Variants in ARMC8 observed in about 807,000 individuals in gnomAD.
The protein encoded by ARMC8 is armadillo repeat containing 8.
Under a neutral mutation model 99.3 loss-of-function variants are expected in ARMC8, and 20 were observed. The ratio of observed to expected loss-of-function variants is 0.20; its 90% confidence interval spans 0.14 to 0.29. The LOEUF is 0.29. Among genes scored for constraint, ARMC8 ranks in the 10% least tolerant of loss-of-function variants. The pLI is 1.00. For synonymous variants in ARMC8, 263 were observed against 278.3 expected (o/e 0.95, Z 0.55); for missense variants, 569 against 809.5 (o/e 0.70, Z 3.60).
intron 17 of ARMC8, among the ~76,000 whole-genome samples, chr3:138,273,450 T>G (rs976857884): frequency 6.6e-6 from 1 of 152,212 alleles, no homozygotes; most frequent in African/African-American, 2.4e-5. Flanking sequence ...CTCATCTGCC[T>G]AAATCACTTA....
chr3:138,270,230 C>T (rs1421223916), intron 16 of ARMC8, 98 bp downstream of exon 16: 46 of 1,000,218 alleles, frequency 4.6e-5, no homozygotes, highest in Non-Finnish European at 6.2e-5. Context: ...CTGGAATTTT[C>T]TTTTTCAAAA....
Position 138,290,467 on chromosome 3 carries a change from G to A in ARMC8, c.1895-79G>A, listed in dbSNP as rs1283461655. ...AGTAGGGAGTGAAGGACACTGGTAAGGCTCTAGATTGTTAATTGTACATCA... is the reference window on the plus strand; with the variant it reads ...AGTAGGGAGTGAAGGACACTGGTAAAGCTCTAGATTGTTAATTGTACATCA... On this transcript the variant is annotated intron_variant, in intron 20 of 21. Transcript: ENST00000469044. 8.5e-6 allele frequency: 9 copies of A among 1,052,640 alleles called. No individual in the cohort carries two copies. The East Asian group carries it at 1.0e-4, about 12-fold the overall frequency. 65.2% of individuals were successfully genotyped at this position (1,052,640 alleles called of 1,614,324 possible).
chr3:138,274,388 C>T, intron 17 of ARMC8, 61 bp from the exon 18 acceptor site: 1 of 1,123,162 alleles, frequency 8.9e-7, no homozygotes. Flanking sequence ...TTTTAGAAGC[C>T]TTGTATTCGT....
At chr3:138,263,950 G>A (rs2048002639) in intron 13 of ARMC8, 129 bp downstream of exon 13, 1 of 1,020,704 alleles carries the variant, frequency 9.8e-7, no homozygotes, top group South Asian at 1.3e-5. Flanking sequence ...AATTCATAGA[G>A]TATATAACAT....
chr3:138,218,809 AAGT>A (rs2108064651), intron 2 of ARMC8, among the ~76,000 whole-genome samples: 1 of 152,354 alleles, frequency 6.6e-6, no homozygotes, highest in Non-Finnish European at 1.5e-5. Flanking sequence ...CAGTAAAAGT[AAGT>A]AGAGCATTTT....
In ARMC8 at chr3:138,229,336, CTTTTTTT is replaced by C. The variant is rs71304266; in HGVS notation, c.528+335_528+341del. 5.3e-5 allele frequency among the ~76,000 whole-genome samples: 7 copies of C among 132,624 alleles called. No homozygotes were observed. In the South Asian group the frequency reaches 7.3e-4, roughly 14 times the overall value. The allele number at this position is 132,624 out of a possible 152,430, so 87.0% of individuals were successfully genotyped here. A position where few individuals can be genotyped will look rare whatever the true frequency, so the allele number is the denominator to read the frequency against. ...AGTACATAAGGACCTCTCCCTCATTCTTTTTTTTTTTTTTTAACAGTGCATAGTATTT... is the reference window on the plus strand; with the variant it reads ...AGTACATAAGGACCTCTCCCTCATTCTTTTTTTTAACAGTGCATAGTATTT... On this transcript the variant is annotated intron_variant, in intron 6 of 21. Transcript: ENST00000469044.
chr3:138,224,567 CG>C (rs1559949975), intron 5 of ARMC8, among the ~76,000 whole-genome samples: 1 of 152,108 alleles, frequency 6.6e-6, no homozygotes, highest in African/African-American at 2.4e-5. Flanking sequence ...CTGGCCAACA[CG>C]GTGAAACTCC....
intron 2 of ARMC8, among the ~76,000 whole-genome samples, chr3:138,211,502 G>T (rs533600858): frequency 4.6e-5 from 7 of 152,308 alleles, no homozygotes; most frequent in East Asian, 3.9e-4. Flanking sequence ...AATGATAAAA[G>T]TGGGAAAGAT....
intron 18 of ARMC8, among the ~76,000 whole-genome samples, chr3:138,284,035 C>T (rs536700882): frequency 6.6e-6 from 1 of 152,280 alleles, no homozygotes; most frequent in East Asian, 1.9e-4. Context: ...ACCTACAGAG[C>T]TTCCACCAAA....
intron 18 of ARMC8, among the ~76,000 whole-genome samples, chr3:138,281,744 T>G (rs1327156307): frequency 6.6e-6 from 1 of 152,190 alleles, no homozygotes; most frequent in African/African-American, 2.4e-5. Context: ...GGGGAATTAC[T>G]CACCTGTCTT....
At chr3:138,200,992 A>G (rs1029164406) in intron 1 of ARMC8, among the ~76,000 whole-genome samples, 16 of 123,606 alleles carry the variant, frequency 1.3e-4, no homozygotes, top group Non-Finnish European at 2.5e-4. Flanking sequence ...GGCTCATTGT[A>G]GCCTCTGCTT....
chr3:138,209,668 A>G (rs1180587602), intron 1 of ARMC8, 149 bp from the exon 2 acceptor site: 6 of 637,960 alleles, frequency 9.4e-6, no homozygotes, highest in Non-Finnish European at 1.7e-5. Flanking sequence ...AGTATCCCAT[A>G]TCATGAGGAG....
intron 18 of ARMC8, among the ~76,000 whole-genome samples, chr3:138,277,332 GATCTT>G (rs764592189): frequency 3.5e-4 from 54 of 152,218 alleles, no homozygotes; most frequent in Admixed American, 5.9e-4. Flanking sequence ...AAATCTTTGA[GATCTT>G]AGATTAGGCG....
rs754108321 is a variant in ARMC8 at position 138,237,356 on chromosome 3, C to T, written c.657C>T (p.Asn219=). ...LKCFSVLAFE[N]PQVSMTLVNV... ...GTTTCTCAGTTTTAGCTTTTGAAAA[C>T]CCCCAGGTATCGATGACCCTGGTAA... The change falls in exon 8 of 22, where the codon AAC becomes AAT. Residue 219 remains asparagine (N), a synonymous_variant. Coordinates refer to ENST00000469044, the MANE Select transcript of ARMC8 (RefSeq NM_001363941.2). The T allele has an allele frequency of 1.9e-6, 3 of 1,613,636 alleles. No homozygotes were observed. Among genetic ancestry groups the T allele is most frequent in the Non-Finnish European group, 2.5e-6 (3 of 1,179,842 alleles).
At chr3:138,229,178 A>ATGTATATG (rs1317802461) in intron 6 of ARMC8, 168 bp downstream of exon 6, 5 of 32,096 alleles carry the variant, frequency 1.6e-4, no homozygotes, top group African/African-American at 1.9e-4. Context: ...ATATATATAT[A>ATGTATATG]TATATGTATA....
chr3:138,267,650 T>G (rs1237602971), intron 15 of ARMC8, among the ~76,000 whole-genome samples: 1 of 152,212 alleles, frequency 6.6e-6, no homozygotes, highest in East Asian at 1.9e-4. Flanking sequence ...GAAAATCATC[T>G]TTTGATGTTT....
chr3:138,223,482 C>T lies in ARMC8; in HGVS notation c.288C>T (p.Asn96=). Residue 96 remains asparagine, a synonymous_variant, in exon 4 of 22, where the codon AAC becomes AAT. Transcript: ENST00000469044. ...GAAGTCTTGCTATGGGTACTGAAAA[C>T]AATGTCAAGTCTCTACTGGACTGCC... ...VLGSLAMGTE[N]NVKSLLDCHI... is the part of the protein sequence containing the mutation. 2 of 1,614,176 alleles carry T rather than the reference C, an allele frequency of 1.2e-6. No homozygotes were observed. The highest frequency in any genetic ancestry group is 1.7e-6 in the Non-Finnish European group (2 of 1,180,036).
chr3:138,265,255 T>G (rs1357444727), intron 14 of ARMC8, among the ~76,000 whole-genome samples: 2 of 152,040 alleles, frequency 1.3e-5, no homozygotes, highest in African/African-American at 4.8e-5. Context: ...AGGCCCCTTT[T>G]GTCCCCCCCA....
In ARMC8 at chr3:138,297,528, C is replaced by T. The variant is rs1473548269; in HGVS notation, c.*1636C>T. On this transcript the variant is annotated 3_prime_UTR_variant, in exon 22 of 22. Transcript: ENST00000469044. ...TCACACTGCAGCTGCCCTATCACCA[C>T]CCTGCACGTTCCTTGGAAGATTTAA... is the stretch of plus-strand genomic sequence containing the variant. 1.3e-5 allele frequency: 2 copies of T among 152,196 alleles called. No individual in the cohort carries two copies. Among genetic ancestry groups the T allele is most frequent in the Non-Finnish European group, 2.9e-5 (2 of 68,032 alleles). 9.4% of individuals were successfully genotyped at this position (152,196 alleles called of 1,614,324 possible). A position where few individuals can be genotyped will look rare whatever the true frequency, so the allele number is the denominator to read the frequency against.
Sources: allele counts gnomAD v4.1 joint callset (sites outside exome capture counted in the v4.1 genomes callset), GRCh38; gene constraint gnomAD v4.1.1; transcripts MANE v1.5; gene names NCBI Gene and HGNC (gene_info 2026-07-23, HGNC 2026-07-21).